GPC5: variants seen among roughly 807,000 people sequenced by gnomAD.
The protein encoded by GPC5 is glypican 5, also known as glypican-5.
Under a neutral mutation model 53.9 loss-of-function variants are expected in GPC5, and 47 were observed. The observed-to-expected ratio is 0.87, with a 90% CI of 0.69 to 1.11. GPC5 has a LOEUF of 1.11. Ranked by LOEUF, GPC5 falls within the 50% of genes most tolerant of loss-of-function variation. GPC5 has a pLI of 0.00. For missense variants in GPC5, 748 were observed against 713.1 expected (o/e 1.05, Z -0.56); for synonymous variants, 286 against 263.3 (o/e 1.09, Z -0.84).
At chr13:92,381,345 GGCAGTGATGTTAAAT>G (rs1368755035) in intron 7 of GPC5, among the ~76,000 whole-genome samples, 1 of 152,070 alleles carries the variant, frequency 6.6e-6, no homozygotes, top group Non-Finnish European at 1.5e-5. Context: ...TTTCCTACCT[GGCAGTGATGTTAAAT>G]GGATAGATGA....
chr13:91,434,716 C>T (rs183549046), intron 1 of GPC5, among the ~76,000 whole-genome samples: 9,396 of 152,108 alleles, frequency 0.062, 930 homozygotes, highest in African/African-American at 0.21. Context: ...TTTTCCAATT[C>T]TGTGAAGAAA....
At chr13:92,655,493 C>T (rs1311340647) in intron 7 of GPC5, among the ~76,000 whole-genome samples, 1 of 152,012 alleles carries the variant, frequency 6.6e-6, no homozygotes, top group Non-Finnish European at 1.5e-5. Flanking sequence ...TGCCACCATG[C>T]CCAGCTAATT....
chr13:91,649,680 C>T (rs539270695), intron 2 of GPC5, among the ~76,000 whole-genome samples: 1 of 152,300 alleles, frequency 6.6e-6, no homozygotes, highest in South Asian at 2.1e-4. Context: ...GATCAGCAGT[C>T]CCAGGGGCCT....
chr13:92,724,930 G>A (rs781247047), intron 7 of GPC5, among the ~76,000 whole-genome samples: 12 of 147,184 alleles, frequency 8.2e-5, no homozygotes, highest in Non-Finnish European at 1.7e-4. Flanking sequence ...AAAAACAAGA[G>A]AGTAGCTAAG....
At chr13:91,439,335 GA>G (rs1327129006) in intron 1 of GPC5, among the ~76,000 whole-genome samples, 2 of 151,886 alleles carry the variant, frequency 1.3e-5, no homozygotes, top group African/African-American at 4.8e-5. Context: ...AGCTCCCTGA[GA>G]AAAAAAAGAA....
intron 7 of GPC5, among the ~76,000 whole-genome samples, chr13:92,806,013 T>C (rs926639463): frequency 2.0e-5 from 3 of 152,030 alleles, no homozygotes; most frequent in African/African-American, 4.8e-5. Context: ...CTAGCTTTCA[T>C]AGTTCTCTAG....
chr13:91,734,835 T>G (rs2036779986), intron 4 of GPC5, among the ~76,000 whole-genome samples: 1 of 151,288 alleles, frequency 6.6e-6, no homozygotes, highest in African/African-American at 2.5e-5. Flanking sequence ...CTTATCGTTC[T>G]TAACATTAAC....
At chr13:92,575,295 C>T (rs1428818933) in intron 7 of GPC5, among the ~76,000 whole-genome samples, 1 of 152,068 alleles carries the variant, frequency 6.6e-6, no homozygotes, top group African/African-American at 2.4e-5. Flanking sequence ...ACTTAGGGTC[C>T]TAATTCCAGT....
chr13:91,994,020 T>G (rs557829154), intron 6 of GPC5, among the ~76,000 whole-genome samples: 2 of 152,302 alleles, frequency 1.3e-5, no homozygotes, highest in African/African-American at 4.8e-5. Context: ...GTCAGTATGT[T>G]TTTTACACAG....
chr13:92,441,873 G>A (rs1425884193), intron 7 of GPC5, among the ~76,000 whole-genome samples: 17 of 152,106 alleles, frequency 1.1e-4, no homozygotes, highest in Admixed American at 1.1e-3. Flanking sequence ...AATCCAAATA[G>A]CCAAAGCAAT....
At chr13:92,532,306 C>T (rs1193871711) in intron 7 of GPC5, among the ~76,000 whole-genome samples, 1 of 152,028 alleles carries the variant, frequency 6.6e-6, no homozygotes, top group Admixed American at 6.6e-5. Context: ...ATATTATATA[C>T]CAACTGTGAA....
chr13:92,294,677 T>C (rs955794090), intron 7 of GPC5, among the ~76,000 whole-genome samples: 6 of 152,130 alleles, frequency 3.9e-5, no homozygotes, highest in African/African-American at 1.4e-4. Context: ...TTATCTGTTT[T>C]GTTGCTTTCA....
intron 7 of GPC5, among the ~76,000 whole-genome samples, chr13:92,784,719 C>G (rs1876153781): frequency 6.6e-6 from 1 of 152,086 alleles, no homozygotes; most frequent in East Asian, 1.9e-4. Flanking sequence ...AGTGGATTAA[C>G]AAATGATGAT....
At chr13:92,102,278 C>T (rs2041473472) in intron 6 of GPC5, among the ~76,000 whole-genome samples, 1 of 152,096 alleles carries the variant, frequency 6.6e-6, no homozygotes, top group African/African-American at 2.4e-5. Flanking sequence ...CTCAAGTTAA[C>T]ATATTAAATA....
chr13:91,821,824 A>C (rs1166737335), intron 5 of GPC5, among the ~76,000 whole-genome samples: 1 of 152,146 alleles, frequency 6.6e-6, no homozygotes, highest in Non-Finnish European at 1.5e-5. Flanking sequence ...ATTTATTAAT[A>C]TTTTTATAGG....
At chr13:91,606,494 CT>C (rs2033372114) in intron 2 of GPC5, among the ~76,000 whole-genome samples, 3 of 149,904 alleles carry the variant, frequency 2.0e-5, no homozygotes, top group African/African-American at 4.9e-5. Context: ...AGGATTCCCT[CT>C]TTTTCTATTG....
intron 6 of GPC5, among the ~76,000 whole-genome samples, chr13:91,979,523 C>T (rs112023033): frequency 0.024 from 3,608 of 152,158 alleles, 143 homozygotes; most frequent in African/African-American, 0.083. Context: ...TGATTCAATT[C>T]CACAACTTTG....
At chr13:92,086,813 C>T (rs1315441301) in intron 6 of GPC5, among the ~76,000 whole-genome samples, 1 of 152,164 alleles carries the variant, frequency 6.6e-6, no homozygotes, top group South Asian at 2.1e-4. Flanking sequence ...CACCTGCCAA[C>T]ATGCCTGGCT....
chr13:92,282,906 T>C (rs2042926951), intron 7 of GPC5, among the ~76,000 whole-genome samples: 1 of 152,178 alleles, frequency 6.6e-6, no homozygotes, highest in African/African-American at 2.4e-5. Flanking sequence ...TAACCTCAAA[T>C]GTAAATGGGC....
Sources: gnomAD v4.1 joint callset for allele counts (sites outside exome capture counted in the v4.1 genomes callset) on GRCh38, gnomAD v4.1.1 for gene constraint, MANE v1.5 for transcripts, NCBI Gene and HGNC (gene_info 2026-07-23, HGNC 2026-07-21) for gene names.